Variants in ZNF423 observed in about 807,000 individuals in gnomAD.
ZNF423 encodes the protein zinc finger protein 423, also known as Ebf-associated zinc finger protein.
In ZNF423, 12 loss-of-function variants were observed where a neutral mutation model predicts 95.8. That is an observed-to-expected ratio of 0.13 (90% CI 0.08 to 0.20). The LOEUF (loss-of-function observed/expected upper bound fraction) is 0.20, where lower values mean the gene tolerates loss of function less well. ZNF423 is among the 10% of genes least tolerant of loss of function. The pLI, the probability that ZNF423 is intolerant of heterozygous loss-of-function variation, is 1.00. For missense variants in ZNF423, 1,316 were observed against 1,737.1 expected (o/e 0.76, Z 4.31); for synonymous variants, 749 against 711.9 (o/e 1.05, Z -0.83).
intron 3 of ZNF423, among the ~76,000 whole-genome samples, chr16:49,674,574 G>A (rs2030965229): frequency 6.6e-6 from 1 of 152,334 alleles, no homozygotes; most frequent in Non-Finnish European, 1.5e-5. Flanking sequence ...GCACCACCAG[G>A]CGGAACAGAG....
At chr16:49,834,253 GCCT>G (rs2035092746) in intron 1 of ZNF423, among the ~76,000 whole-genome samples, 1 of 152,098 alleles carries the variant, frequency 6.6e-6, no homozygotes, top group African/African-American at 2.4e-5. Flanking sequence ...TGCCTCAGTT[GCCT>G]CATCATGAAA....
At chr16:49,753,989 C>T (rs1030623205) in intron 2 of ZNF423, among the ~76,000 whole-genome samples, 1 of 151,182 alleles carries the variant, frequency 6.6e-6, no homozygotes, top group Non-Finnish European at 1.5e-5. Context: ...TGAGATTGCG[C>T]CACTACACTC....
At chr16:49,554,029 T>C (rs949085928) in intron 5 of ZNF423, among the ~76,000 whole-genome samples, 3 of 152,104 alleles carry the variant, frequency 2.0e-5, no homozygotes, top group Non-Finnish European at 4.4e-5. Context: ...CAGTGCCCAT[T>C]CCTTTGCTGG....
intron 6 of ZNF423, among the ~76,000 whole-genome samples, chr16:49,525,018 G>A (rs899530847): frequency 4.6e-5 from 7 of 152,328 alleles, no homozygotes; most frequent in African/African-American, 1.2e-4. Flanking sequence ...CTCAAGGCTC[G>A]GGGAGACAAA....
chr16:49,842,392 GGAA>G (rs1567368395), intron 1 of ZNF423, among the ~76,000 whole-genome samples: 4 of 119,062 alleles, frequency 3.4e-5, no homozygotes, highest in Non-Finnish European at 7.2e-5. Context: ...AAGGAAGGAA[GGAA>G]GGAAGGAAGG....
At chr16:49,848,580 G>A (rs558520561) in intron 1 of ZNF423, among the ~76,000 whole-genome samples, 84 of 152,232 alleles carry the variant, frequency 5.5e-4, no homozygotes, top group African/African-American at 1.9e-3. Context: ...CCATTATCTG[G>A]GAGAGGGAAA....
At position 49,805,899 on chromosome 16, in the gene ZNF423, A is replaced by T. The variant is rs550723675; in HGVS notation, c.41-16353T>A. Among the ~76,000 whole-genome samples, 24 of 152,360 alleles carry T rather than the reference A, an allele frequency of 1.6e-4. No individual in the cohort carries two copies. The East Asian group carries it at 4.6e-3, about 29-fold the overall frequency. Reference sequence around the variant, plus strand: ...ATAGGATGATTGCTTCTGTGCCCCCAGCCAGTCCATCCAGGGTTGCAATGT... The same window carrying T: ...ATAGGATGATTGCTTCTGTGCCCCCTGCCAGTCCATCCAGGGTTGCAATGT... On this transcript the variant is annotated intron_variant, in intron 1 of 7. Transcript: ENST00000563137.
intron 5 of ZNF423, among the ~76,000 whole-genome samples, chr16:49,601,882 T>C (rs558488407): frequency 1.2e-4 from 18 of 152,312 alleles, no homozygotes; most frequent in African/African-American, 4.3e-4. Context: ...GGCTTGTTCC[T>C]CAAGACCCTG....
intron 5 of ZNF423, among the ~76,000 whole-genome samples, chr16:49,585,621 C>T (rs1970807718): frequency 6.6e-6 from 1 of 152,252 alleles, no homozygotes; most frequent in South Asian, 2.1e-4. Flanking sequence ...CACTATTCTG[C>T]CTCTCGTTAG....
chr16:49,837,738 C>T (rs1024786090), intron 1 of ZNF423, among the ~76,000 whole-genome samples: 1 of 152,230 alleles, frequency 6.6e-6, no homozygotes, highest in African/African-American at 2.4e-5. Context: ...CTTCTTCTCC[C>T]TCCTTCCCCA....
intron 2 of ZNF423, among the ~76,000 whole-genome samples, chr16:49,754,064 G>A (rs1000222441): frequency 6.6e-6 from 1 of 152,004 alleles, no homozygotes; most frequent in Non-Finnish European, 1.5e-5. Flanking sequence ...TTAAAAGGTG[G>A]AGGAAGAATA....
Position 49,706,591 on chromosome 16 carries a change from C to G in ZNF423, c.301+24180G>C, listed in dbSNP as rs533691065. 4.6e-5 allele frequency among the ~76,000 whole-genome samples: 7 copies of G among 152,380 alleles called. No homozygotes were observed. In the East Asian group the frequency reaches 1.3e-3, roughly 29 times the overall value. On this transcript the variant is annotated intron_variant, in intron 3 of 7. Transcript: ENST00000563137. ...CTGGTGGGATGGCTGCCACCAAACA[C>G]AGAATCCAGGTGTCAGAAGGAAATT...
intron 3 of ZNF423, among the ~76,000 whole-genome samples, chr16:49,677,245 AGAT>A (rs1486525238): frequency 5.2e-5 from 1 of 19,084 alleles, no homozygotes; most frequent in Non-Finnish European, 9.8e-5. Flanking sequence ...AGAGAAGAGA[AGAT>A]AAGAGAAGAG....
chr16:49,699,465 G>T (rs556774698), intron 3 of ZNF423, among the ~76,000 whole-genome samples: 2 of 152,304 alleles, frequency 1.3e-5, no homozygotes, highest in South Asian at 2.1e-4. Flanking sequence ...CTGTTTGGGG[G>T]CGCAAAGGCT....
chr16:49,722,529 G>C (rs573801257), intron 3 of ZNF423, among the ~76,000 whole-genome samples: 8 of 152,180 alleles, frequency 5.3e-5, no homozygotes, highest in African/African-American at 1.7e-4. Flanking sequence ...ACACACTAAA[G>C]AAACACTTAT....
intron 7 of ZNF423, 139 bp downstream of exon 7, chr16:49,523,485 G>T: frequency 1.5e-6 from 1 of 689,446 alleles, no homozygotes; most frequent in Non-Finnish European, 2.5e-6. Flanking sequence ...CTCCATGCCT[G>T]CTAGCCAGGA....
At chr16:49,586,520 A>T (rs1280628834) in intron 5 of ZNF423, among the ~76,000 whole-genome samples, 1 of 152,222 alleles carries the variant, frequency 6.6e-6, no homozygotes, top group African/African-American at 2.4e-5. Context: ...CCAGCACACC[A>T]ATAAATTAAG....
intron 7 of ZNF423, among the ~76,000 whole-genome samples, chr16:49,506,775 TAGAC>T (rs137976209): frequency 0.054 from 8,169 of 151,624 alleles, 321 homozygotes; most frequent in African/African-American, 0.11. Context: ...GATAGATTGA[TAGAC>T]AGATGGATTG....
intron 2 of ZNF423, among the ~76,000 whole-genome samples, chr16:49,733,758 G>C (rs1364228626): frequency 6.6e-6 from 1 of 152,124 alleles, no homozygotes; most frequent in African/African-American, 2.4e-5. Flanking sequence ...TCAGGGGCCT[G>C]AAGAAGTTTT....
Sources: gnomAD v4.1 joint callset for allele counts (sites outside exome capture counted in the v4.1 genomes callset) on GRCh38, gnomAD v4.1.1 for gene constraint, MANE v1.5 for transcripts, NCBI Gene and HGNC (gene_info 2026-07-23, HGNC 2026-07-21) for gene names.